The following PRKAR1A variants were observed in gnomAD, a reference collection of about 807,000 sequenced individuals.
PRKAR1A encodes protein kinase cAMP-dependent type I regulatory subunit alpha.
PRKAR1A carries 3 observed loss-of-function variants against 52.0 expected under a neutral mutation model. The ratio of observed to expected loss-of-function variants is 0.06; its 90% CI spans 0.03 to 0.15. The LOEUF (loss-of-function observed/expected upper bound fraction) is 0.15, where lower values mean the gene tolerates loss of function less well. Among genes scored for constraint, PRKAR1A ranks in the 10% least tolerant of loss-of-function variants. PRKAR1A has a pLI of 1.00. For synonymous variants in PRKAR1A, 188 were observed against 168.4 expected (o/e 1.12, Z -0.90); for missense variants, 240 against 477.4 (o/e 0.50, Z 4.63).
chr17:68,540,645 C>T (rs2086244804), intron 11 of PRKAR1A: 3 of 694,760 alleles, frequency 4.3e-6, no homozygotes, highest in Admixed American at 4.1e-5. Context: ...GAGTGACGAC[C>T]CCTTGAGCTT....
chr17:68,533,508 CT>C, downstream of PRKAR1A: 1 of 848,674 alleles, frequency 1.2e-6, no homozygotes, highest in Non-Finnish European at 1.4e-6. Flanking sequence ...TTTTTTGTTT[CT>C]TTTATTTTTT....
At chr17:68,484,802 T>C in the PRKAR1A span, among the ~76,000 whole-genome samples, 1 of 152,148 alleles carries the variant, frequency 6.6e-6, no homozygotes, top group Non-Finnish European at 1.5e-5. Flanking sequence ...CAAGTGAGGG[T>C]GAAGTCTCAG....
At chr17:68,477,575 C>T in the PRKAR1A span, among the ~76,000 whole-genome samples, 2 of 152,138 alleles carry the variant, frequency 1.3e-5, no homozygotes, top group African/African-American at 4.8e-5. Context: ...CCATATTATT[C>T]AACCCATCTG....
intron 2 of PRKAR1A, among the ~76,000 whole-genome samples, chr17:68,519,452 A>G (rs1042889680): frequency 2.6e-5 from 4 of 152,208 alleles, no homozygotes; most frequent in Admixed American, 2.0e-4. Context: ...AGAGCTCACT[A>G]TCACCAGAAC....
At chr17:68,453,925 T>C in the PRKAR1A span, among the ~76,000 whole-genome samples, 29 of 152,314 alleles carry the variant, frequency 1.9e-4, 1 homozygote, top group South Asian at 2.9e-3. Context: ...GGAAGTTTAA[T>C]TGGATTTGAA....
chr17:68,542,101 GC>G, intron 11 of PRKAR1A: 1 of 1,613,968 alleles, frequency 6.2e-7, no homozygotes, highest in Non-Finnish European at 8.5e-7. Flanking sequence ...GGTGTGGGTT[GC>G]CACAGACAGC....
the PRKAR1A span, among the ~76,000 whole-genome samples, chr17:68,487,529 G>A: frequency 0.024 from 3,707 of 152,204 alleles, 62 homozygotes; most frequent in Non-Finnish European, 0.035. Context: ...GGGGTCGGGC[G>A]CGGTGGTTCA....
intron 1 of PRKAR1A, chr17:68,513,086 A>G (rs2085316939): frequency 6.6e-6 from 1 of 151,476 alleles, no homozygotes; most frequent in African/African-American, 2.4e-5. Context: ...CGGGCTCCTG[A>G]ATTTCCTCTT....
At chr17:68,543,607 T>A in intron 11 of PRKAR1A, 1 of 1,611,096 alleles carries the variant, frequency 6.2e-7, no homozygotes. Flanking sequence ...GGCAATGCCA[T>A]CTCCATGGGG....
At chr17:68,525,146 T>C (rs2085747191) in intron 6 of PRKAR1A, among the ~76,000 whole-genome samples, 188 bp downstream of exon 6, 2 of 152,092 alleles carry the variant, frequency 1.3e-5, no homozygotes, top group African/African-American at 2.4e-5. Context: ...TTCAGAACTT[T>C]GCTGGAGTGG....
chr17:68,551,167 C>A, exon 12 of PRKAR1A: 1 of 1,222,730 alleles, frequency 8.2e-7, no homozygotes, highest in South Asian at 4.1e-5. Flanking sequence ...CTGTGGGCTG[C>A]AGATCCTTTG....
At position 68,530,829 on chromosome 17, in the gene PRKAR1A, T is replaced by C; in HGVS notation, c.*380T>C. ...TTTAAGTGACATAATTGTCCAGTTATAAGCGTATTTAGACTGTGGCCATAT... is the reference window on the plus strand; with the variant it reads ...TTTAAGTGACATAATTGTCCAGTTACAAGCGTATTTAGACTGTGGCCATAT... On this transcript the variant is annotated 3_prime_UTR_variant, in exon 11 of 11. Coordinates refer to ENST00000589228, the MANE Select transcript of PRKAR1A (RefSeq NM_002734.5). 1 of 1,239,276 alleles carries C rather than the reference T, an allele frequency of 8.1e-7. No homozygotes were observed. Among genetic ancestry groups the C allele is most frequent in the South Asian group, 1.9e-5 (1 of 53,740 alleles). 76.8% of individuals were successfully genotyped at this position (1,239,276 alleles called of 1,614,324 possible).
chr17:68,456,391 C>T, the PRKAR1A span, among the ~76,000 whole-genome samples: 1 of 152,182 alleles, frequency 6.6e-6, no homozygotes, highest in African/African-American at 2.4e-5. Flanking sequence ...GAAACTGGTA[C>T]AGCAGGAAGT....
the PRKAR1A span, among the ~76,000 whole-genome samples, chr17:68,489,364 G>GTATA: frequency 0.013 from 633 of 47,760 alleles, 132 homozygotes; most frequent in East Asian, 0.049. Flanking sequence ...TATATGGAAA[G>GTATA]TATATATATA....
the PRKAR1A span, among the ~76,000 whole-genome samples, chr17:68,473,086 G>A: frequency 6.6e-6 from 1 of 152,178 alleles, no homozygotes; most frequent in Admixed American, 6.5e-5. Context: ...ATAATTGAAA[G>A]TGATATCAGC....
chr17:68,485,519 C>A, the PRKAR1A span, among the ~76,000 whole-genome samples: 2 of 152,110 alleles, frequency 1.3e-5, no homozygotes, highest in African/African-American at 2.4e-5. Flanking sequence ...GAAATAGGAC[C>A]TTTGAAACTC....
chr17:68,512,654 A>C (rs1007135282), intron 1 of PRKAR1A, 106 bp downstream of exon 1: 2 of 152,378 alleles, frequency 1.3e-5, no homozygotes, highest in African/African-American at 4.8e-5. Context: ...AGCGACCTGC[A>C]GGGGGACGGC....
chr17:68,457,543 ACCCCG>A, the PRKAR1A span: 1 of 61,088 alleles, frequency 1.6e-5, no homozygotes, highest in Non-Finnish European at 2.4e-5. Context: ...CCCCGTCCCC[ACCCCG>A]CCCCTACCCC....
At chr17:68,529,396 A>G (rs145972819) in intron 9 of PRKAR1A, among the ~76,000 whole-genome samples, 134 of 152,380 alleles carry the variant, frequency 8.8e-4, no homozygotes, top group African/African-American at 3.1e-3. Context: ...TCCACATTCC[A>G]TGGAAATGTA....
Sources: gnomAD v4.1 joint callset for allele counts (sites outside exome capture counted in the v4.1 genomes callset) on GRCh38, gnomAD v4.1.1 for gene constraint, MANE v1.5 for transcripts, NCBI Gene and HGNC (gene_info 2026-07-23, HGNC 2026-07-21) for gene names.